Variants in MYH10 observed in about 807,000 individuals in gnomAD.
MYH10 encodes myosin-10.
A neutral mutation model predicts 257.8 loss-of-function variants in MYH10; 55 were observed. The ratio of observed to expected loss-of-function variants is 0.21; its 90% CI spans 0.17 to 0.27. The LOEUF (loss-of-function observed/expected upper bound fraction) is 0.27, where lower values mean the gene tolerates loss of function less well. Among genes scored for constraint, MYH10 ranks in the 10% least tolerant of loss-of-function variants. The pLI is 1.00. For missense variants in MYH10, 1,631 were observed against 2,500.6 expected, an observed-to-expected ratio of 0.65 and a Z score of 7.42; for synonymous variants, 854 against 921.7, an observed-to-expected ratio of 0.93 and a Z score of 1.33.
chr17:8,530,548 C>G (rs577588773), intron 17 of MYH10, 75 bp downstream of exon 17: 14 of 972,684 alleles, frequency 1.4e-5, no homozygotes, highest in Non-Finnish European at 1.0e-5. Flanking sequence ...GCCACCCTGC[C>G]AGTCCCCCCA....
At chr17:8,537,760 T>C (rs1047289218) in intron 14 of MYH10, among the ~76,000 whole-genome samples, 2 of 152,276 alleles carry the variant, frequency 1.3e-5, no homozygotes, top group African/African-American at 4.8e-5. Context: ...TCTAAATGAC[T>C]TGGTGACAGC....
Position 8,542,109 on chromosome 17 carries a change from G to A in MYH10, c.1603C>T (p.Pro535Ser). The change falls in exon 14 of 43, where the codon CCT (proline) becomes TCT (serine). Residue 535 changes from proline to serine, a missense_variant and splice_region_variant. By Grantham distance (74) the Pro-to-Ser change is moderately conservative (BLOSUM62 -1). Around this residue, in one of 11 missense-constraint regions of MYH10, gnomAD observed 63 missense variants for 167.9 expected, o/e 0.38. Coordinates refer to ENST00000360416, the MANE Select transcript of MYH10 (RefSeq NM_001256012.3). Reference protein sequence around the residue: ...LQPCIDLIERPANPPGVLALL... With the variant: ...LQPCIDLIERSANPPGVLALL... ...AGCGAGCAAGTGAGCACTCTTACAGGTCTCTCTATTAGGTCGATGCATGGC... is the reference window on the plus strand; with the variant it reads ...AGCGAGCAAGTGAGCACTCTTACAGATCTCTCTATTAGGTCGATGCATGGC... The A allele has an allele frequency of 6.2e-7, 1 of 1,612,642 alleles. No homozygotes were observed. The highest frequency in any genetic ancestry group is 8.5e-7 in the Non-Finnish European group (1 of 1,179,236).
chr17:8,583,068 G>T (rs2083768601), intron 4 of MYH10, among the ~76,000 whole-genome samples: 1 of 152,190 alleles, frequency 6.6e-6, no homozygotes, highest in African/African-American at 2.4e-5. Context: ...GAAGAGCAGA[G>T]ATTTTGTGAT....
chr17:8,523,492 G>A (rs1206477611), intron 17 of MYH10, among the ~76,000 whole-genome samples: 1 of 152,234 alleles, frequency 6.6e-6, no homozygotes, highest in African/African-American at 2.4e-5. Flanking sequence ...CAATGGGCCT[G>A]TGGGAAGATG....
chr17:8,601,687 T>C (rs1430762476), intron 3 of MYH10, among the ~76,000 whole-genome samples: 1 of 152,200 alleles, frequency 6.6e-6, no homozygotes, highest in Non-Finnish European at 1.5e-5. Context: ...GAATGTATGA[T>C]TTTTTGCAGT....
chr17:8,480,551 G>C, intron 38 of MYH10, 26 bp from the exon 39 acceptor site: 1 of 1,601,520 alleles, frequency 6.2e-7, no homozygotes, highest in South Asian at 1.1e-5. Flanking sequence ...GGAGGGGACG[G>C]TTCAATCCCA....
At chr17:8,627,034 G>A (rs1359507298) in intron 1 of MYH10, among the ~76,000 whole-genome samples, 1 of 152,090 alleles carries the variant, frequency 6.6e-6, no homozygotes, top group Admixed American at 6.5e-5. Flanking sequence ...TTTCTAGATG[G>A]GGAAATGCTT....
intron 7 of MYH10, chr17:8,561,448 C>A: frequency 1.7e-6 from 2 of 1,160,908 alleles, no homozygotes; most frequent in South Asian, 1.2e-5. Flanking sequence ...GCTACATTAC[C>A]GTGTGAGTTG....
intron 14 of MYH10, among the ~76,000 whole-genome samples, chr17:8,541,612 C>T (rs1054227267): frequency 2.6e-5 from 4 of 151,110 alleles, no homozygotes; most frequent in African/African-American, 9.7e-5. Context: ...CTAAGATTGC[C>T]ACTAAAAATA....
At chr17:8,609,272 G>A (rs182843340) in intron 2 of MYH10, among the ~76,000 whole-genome samples, 2 of 152,060 alleles carry the variant, frequency 1.3e-5, no homozygotes, top group South Asian at 2.1e-4. Flanking sequence ...CTCCTACTAC[G>A]AACAGGGATT....
chr17:8,615,828 T>TA (rs946384265), intron 2 of MYH10, among the ~76,000 whole-genome samples: 2 of 152,154 alleles, frequency 1.3e-5, no homozygotes, highest in Admixed American at 6.5e-5. Context: ...AATCAGTATT[T>TA]AAAAAAACAC....
rs1912221393 is a variant in MYH10 at position 8,474,710 on chromosome 17, C to T, written c.*1094G>A. The T allele has an allele frequency of 6.6e-6, 1 of 152,588 alleles. No homozygotes were observed. Among genetic ancestry groups the T allele is most frequent in the Non-Finnish European group, 1.5e-5 (1 of 68,056 alleles). 9.5% of individuals were successfully genotyped at this position (152,588 alleles called of 1,614,324 possible). A position where few individuals can be genotyped will look rare whatever the true frequency, so the allele number is the denominator to read the frequency against. On this transcript the variant is annotated 3_prime_UTR_variant, in exon 43 of 43. Coordinates refer to ENST00000360416, the MANE Select transcript of MYH10 (RefSeq NM_001256012.3). ...TAATGTCAGTTTGCTTAACTACCAA[C>T]CAAAAACAGGATGCTAAGTGTTCAC...
chr17:8,586,809 C>T (rs976600317), intron 4 of MYH10, among the ~76,000 whole-genome samples: 4 of 152,156 alleles, frequency 2.6e-5, no homozygotes, highest in Non-Finnish European at 4.4e-5. Flanking sequence ...TGCTTTCAGA[C>T]GTTCCCAAAA....
intron 3 of MYH10, among the ~76,000 whole-genome samples, chr17:8,595,980 T>C (rs1337850076): frequency 6.6e-6 from 1 of 152,178 alleles, no homozygotes; most frequent in African/African-American, 2.4e-5. Flanking sequence ...TCTTTTTGTA[T>C]GTATTTGGCT....
chr17:8,603,274 G>A (rs989126142), intron 3 of MYH10, among the ~76,000 whole-genome samples: 3 of 152,164 alleles, frequency 2.0e-5, no homozygotes, highest in Non-Finnish European at 4.4e-5. Flanking sequence ...AATATTAAAA[G>A]GGGGCACACA....
chr17:8,555,272 C>T (rs1469127468), intron 7 of MYH10, among the ~76,000 whole-genome samples: 3 of 152,178 alleles, frequency 2.0e-5, no homozygotes, highest in East Asian at 3.8e-4. Flanking sequence ...GGAGGGCTTC[C>T]TTTGAGGAAA....
In MYH10 at chr17:8,495,214, G is replaced by T. The variant is rs1223008538; in HGVS notation, c.3979C>A (p.Leu1327Met). The T allele has an allele frequency of 1.9e-6, 3 of 1,612,634 alleles. No individual in the cohort carries two copies. The highest frequency in any genetic ancestry group is 2.5e-6 in the Non-Finnish European group (3 of 1,178,854). ...QNELDNVSTL[L>M]EEAEKKGIKF... Reference sequence around the variant, plus strand: ...ATACCCTTCTTCTCTGCTTCTTCCAGAAGGGTGGAGACATTATCTAGCTCA... The same window carrying T: ...ATACCCTTCTTCTCTGCTTCTTCCATAAGGGTGGAGACATTATCTAGCTCA... The change falls in exon 31 of 43, where the codon CTG becomes ATG. Residue 1327 changes from leucine to methionine, a missense_variant. Transcript: ENST00000360416.
intron 1 of MYH10, among the ~76,000 whole-genome samples, chr17:8,628,896 A>G (rs1348201578): frequency 6.6e-6 from 1 of 152,214 alleles, no homozygotes; most frequent in Non-Finnish European, 1.5e-5. Context: ...TGGAGCCCAA[A>G]TGAAAAGCCA....
intron 1 of MYH10, among the ~76,000 whole-genome samples, 181 bp downstream of exon 1, chr17:8,630,473 C>T (rs938730333): frequency 2.0e-5 from 3 of 152,112 alleles, no homozygotes; most frequent in African/African-American, 4.8e-5. Context: ...AACCTAAGGT[C>T]CCCGCAGCAC....
Sources: allele counts gnomAD v4.1 joint callset (sites outside exome capture counted in the v4.1 genomes callset), GRCh38; gene constraint gnomAD v4.1.1; regional missense constraint gnomAD v4.1.1; transcripts MANE v1.5; gene names NCBI Gene and HGNC (gene_info 2026-07-23, HGNC 2026-07-21).